Variants in OSBPL11 observed in about 807,000 individuals in gnomAD.
OSBPL11 encodes the protein oxysterol-binding protein-related protein 11.
OSBPL11 carries 33 observed loss-of-function variants against 84.4 expected under a neutral mutation model. That is an observed-to-expected ratio of 0.39 (90% CI 0.30 to 0.52). The LOEUF (loss-of-function observed/expected upper bound fraction) is 0.52, where lower values mean the gene tolerates loss of function less well. Ranked by LOEUF, OSBPL11 falls within the 20% of genes least tolerant of loss-of-function variation. The pLI is 0.72. For missense variants in OSBPL11, 736 were observed against 901.1 expected (o/e 0.82, Z 2.35); for synonymous variants, 276 against 310.2 (o/e 0.89, Z 1.16).
chr3:125,545,292 G>T (rs1027289226), intron 10 of OSBPL11, among the ~76,000 whole-genome samples: 1 of 152,164 alleles, frequency 6.6e-6, no homozygotes, highest in African/African-American at 2.4e-5. Flanking sequence ...TGCTTCCTTC[G>T]TCAGACTTTG....
At chr3:125,584,988 C>T (rs376735193) in intron 1 of OSBPL11, among the ~76,000 whole-genome samples, 130 of 152,162 alleles carry the variant, frequency 8.5e-4, no homozygotes, top group African/African-American at 2.9e-3. Flanking sequence ...CTATGTTGCC[C>T]AGGCTGCTCT....
chr3:125,564,972 T>C lies in OSBPL11; in HGVS notation c.869-1129A>G, dbSNP rs375360388. 3.7e-4 allele frequency among the ~76,000 whole-genome samples: 56 copies of C among 152,326 alleles called. No homozygotes were observed. The East Asian group carries it at 7.1e-3, about 19-fold the overall frequency. On this transcript the variant is annotated intron_variant, in intron 6 of 12. Transcript: ENST00000296220. ...GCCCGGCCACAAATGAAATTTAGTA[T>C]TTAATTAATCAAGTATTTATTGAGC...
At chr3:125,567,736 T>C (rs1936181375) in intron 5 of OSBPL11, 141 bp from the exon 6 acceptor site, 3 of 677,064 alleles carry the variant, frequency 4.4e-6, no homozygotes, top group Admixed American at 5.6e-5. Flanking sequence ...CTCACACCTA[T>C]AATCCCGGCA....
chr3:125,538,718 G>A, intron 10 of OSBPL11, 85 bp from the exon 11 acceptor site: 1 of 1,242,876 alleles, frequency 8.0e-7, no homozygotes, highest in East Asian at 2.4e-5. Context: ...AACACAGCCT[G>A]TGAATCCTGT....
intron 5 of OSBPL11, among the ~76,000 whole-genome samples, chr3:125,571,683 C>T (rs1936245276): frequency 6.6e-6 from 1 of 152,228 alleles, no homozygotes; most frequent in African/African-American, 2.4e-5. Context: ...GCCTTGGCAG[C>T]TTCCATGTGG....
At chr3:125,536,525 A>G (rs1935642516) in intron 11 of OSBPL11, among the ~76,000 whole-genome samples, 1 of 152,236 alleles carries the variant, frequency 6.6e-6, no homozygotes, top group Admixed American at 6.5e-5. Context: ...GAAGTTTTCA[A>G]GTTCATGGTG....
At chr3:125,542,654 G>A (rs1416274260) in intron 10 of OSBPL11, among the ~76,000 whole-genome samples, 4 of 151,964 alleles carry the variant, frequency 2.6e-5, no homozygotes, top group African/African-American at 7.2e-5. Flanking sequence ...GACTACAGGC[G>A]CCTGCTACTA....
intron 1 of OSBPL11, among the ~76,000 whole-genome samples, chr3:125,587,633 G>C (rs1262128533): frequency 6.6e-6 from 1 of 152,180 alleles, no homozygotes; most frequent in Non-Finnish European, 1.5e-5. Context: ...ACCAGAGAAA[G>C]TGTTTCAAGA....
In OSBPL11 at chr3:125,594,905, T is replaced by G; in HGVS notation, c.-105A>C. 1.8e-4 allele frequency: 218 copies of G among 1,178,692 alleles called. No homozygotes were observed. Among genetic ancestry groups the G allele is most frequent in the Non-Finnish European group, 1.9e-4 (163 of 842,212 alleles). 73.0% of individuals were successfully genotyped at this position (1,178,692 alleles called of 1,614,324 possible). A position where few individuals can be genotyped will look rare whatever the true frequency, so the allele number is the denominator to read the frequency against. ...GATTTGATCTGAATATGATACCGGT[T>G]GCTAAATCACACGGCGGCTGGGGCG... On this transcript the variant is annotated 5_prime_UTR_variant, in exon 1 of 13. Coordinates refer to ENST00000296220, the MANE Select transcript of OSBPL11 (RefSeq NM_022776.5).
At chr3:125,564,285 G>A (rs1345996419) in intron 6 of OSBPL11, among the ~76,000 whole-genome samples, 1 of 152,178 alleles carries the variant, frequency 6.6e-6, no homozygotes, top group Non-Finnish European at 1.5e-5. Context: ...AGCAACAATT[G>A]TCTAACCAAT....
intron 5 of OSBPL11, among the ~76,000 whole-genome samples, chr3:125,573,429 A>C (rs1265626407): frequency 6.6e-6 from 1 of 152,238 alleles, no homozygotes; most frequent in Non-Finnish European, 1.5e-5. Flanking sequence ...TAGTACCAGC[A>C]TGAAGCATGG....
chr3:125,583,940 C>T (rs1936466870), intron 1 of OSBPL11, among the ~76,000 whole-genome samples: 1 of 152,132 alleles, frequency 6.6e-6, no homozygotes, highest in South Asian at 2.1e-4. Context: ...CCCCTATCTT[C>T]CCCAGGCTTC....
intron 6 of OSBPL11, among the ~76,000 whole-genome samples, chr3:125,567,034 A>T (rs557579525): frequency 6.6e-6 from 1 of 152,340 alleles, no homozygotes; most frequent in African/African-American, 2.4e-5. Context: ...AACTCAAAAA[A>T]TAATGCCAAG....
chr3:125,576,422 C>A, intron 4 of OSBPL11, 57 bp from the exon 5 acceptor site: 1 of 1,365,642 alleles, frequency 7.3e-7, no homozygotes, highest in Middle Eastern at 2.0e-4. Context: ...GGATTTCTAA[C>A]CATCAAACTA....
intron 9 of OSBPL11, among the ~76,000 whole-genome samples, chr3:125,551,178 A>AG (rs1409436223): frequency 2.0e-5 from 2 of 99,884 alleles, no homozygotes; most frequent in Non-Finnish European, 3.8e-5. Context: ...AAAAAAAAAA[A>AG]AAAAAAATTA....
chr3:125,530,885 G>A (rs1292071702), intron 12 of OSBPL11, among the ~76,000 whole-genome samples: 2 of 152,184 alleles, frequency 1.3e-5, no homozygotes, highest in East Asian at 3.9e-4. Context: ...CTCACTCACA[G>A]AGTTATGGGC....
rs769668534 is a variant in OSBPL11, at chr3:125,594,840, G to GAACA, written c.-44_-41dup. ...CCACTTGCCCTTCTTGAGCGGGAGAGAACAATTCTGTAGTTCTGTAGGTGA... is the reference window on the plus strand; with the variant it reads ...CCACTTGCCCTTCTTGAGCGGGAGAGAACAAACAATTCTGTAGTTCTGTAGGTGA... On this transcript the variant is annotated 5_prime_UTR_variant, in exon 1 of 13. Transcript: ENST00000296220. 1 of 1,596,490 alleles carries GAACA rather than the reference G, an allele frequency of 6.3e-7. No homozygotes were observed. Among genetic ancestry groups the GAACA allele is most frequent in the Admixed American group, 1.8e-5 (1 of 56,856 alleles).
Position 125,579,139 on chromosome 3 carries a change from T to C in OSBPL11, c.410-100A>G, listed in dbSNP as rs1000794070. 6.0e-6 allele frequency: 5 copies of C among 831,108 alleles called. No homozygotes were observed. The African/African-American group carries it at 8.9e-5, about 15-fold the overall frequency. The allele number at this position is 831,108 out of a possible 1,614,324, so 51.5% of individuals were successfully genotyped here. On this transcript the variant is annotated intron_variant, in intron 3 of 12. Transcript: ENST00000296220. ...CAGATCACTGAAAAGCAGATACTGG[T>C]CTTACTCTCACTAGAGCAAACTTCC... is the stretch of plus-strand genomic sequence containing the variant.
chr3:125,562,419 T>A (rs1936091933), intron 7 of OSBPL11, among the ~76,000 whole-genome samples: 1 of 152,186 alleles, frequency 6.6e-6, no homozygotes, highest in East Asian at 1.9e-4. Context: ...GAAATAAGCA[T>A]TTTATACATT....
Sources: gnomAD v4.1 joint callset for allele counts (sites outside exome capture counted in the v4.1 genomes callset) on GRCh38, gnomAD v4.1.1 for gene constraint, MANE v1.5 for transcripts, NCBI Gene and HGNC (gene_info 2026-07-23, HGNC 2026-07-21) for gene names.